The following AXDND1 variants were observed in gnomAD, a reference collection of about 807,000 sequenced individuals.
AXDND1 encodes the protein axonemal dynein light chain domain containing 1, also known as axonemal dynein light chain domain-containing protein 1.
AXDND1 carries 110 observed loss-of-function variants against 137.5 expected under a neutral mutation model. That is an observed-to-expected ratio of 0.80 (90% CI 0.69 to 0.94). AXDND1 has a LOEUF of 0.94. Ranked by LOEUF, AXDND1 falls within the 40% of genes least tolerant of loss-of-function variation. The probability of loss-of-function intolerance (pLI) is 0.00; values close to 1 mark genes in which losing one functional copy is unlikely to be tolerated. For missense variants in AXDND1, 1,191 were observed against 1,169.8 expected, an observed-to-expected ratio of 1.02 and a Z score of -0.26; for synonymous variants, 414 against 399.7, an observed-to-expected ratio of 1.04 and a Z score of -0.43.
At chr1:179,425,081 C>T (rs572504353) in intron 12 of AXDND1, among the ~76,000 whole-genome samples, 1 of 152,098 alleles carries the variant, frequency 6.6e-6, no homozygotes. Flanking sequence ...TCCCTGTTTG[C>T]TGTTGTTTCT....
chr1:179,479,694 G>A (rs190784646), intron 17 of AXDND1, among the ~76,000 whole-genome samples: 8 of 152,160 alleles, frequency 5.3e-5, no homozygotes, highest in Non-Finnish European at 1.2e-4. Flanking sequence ...GGAGAATGGC[G>A]TGAACCTGGG....
intron 20 of AXDND1, among the ~76,000 whole-genome samples, chr1:179,506,491 C>T (rs760870076): frequency 1.3e-5 from 2 of 152,080 alleles, no homozygotes; most frequent in African/African-American, 2.4e-5. Flanking sequence ...CCAGACTTTG[C>T]GAGGCTGAGG....
In AXDND1 at chr1:179,509,401, G is replaced by A. The variant is rs1360176332; in HGVS notation, c.2494G>A (p.Glu832Lys). 6.3e-7 allele frequency: 1 copy of A among 1,581,690 alleles called. No individual in the cohort carries two copies. The highest frequency in any genetic ancestry group is 8.7e-7 in the Non-Finnish European group (1 of 1,151,276). The change falls in exon 21 of 26, where the codon GAG (glutamate) becomes AAG (lysine). Residue 832 changes from glutamate (E) to lysine (K), a missense_variant and splice_region_variant. Glu to Lys is a moderately conservative substitution (Grantham distance 56). Transcript: ENST00000367618. The part of the protein sequence containing the change: ...TYEEIERLLE[E>K]EAVKEFIEPE... ...TGAAGAAATAGAGCGGCTACTTGAA[G>A]AGGTATTTGCCACATGTTAGCGTTG...
chr1:179,546,876 C>G (rs1002490754), intron 25 of AXDND1, among the ~76,000 whole-genome samples: 3 of 152,192 alleles, frequency 2.0e-5, no homozygotes, highest in Admixed American at 1.3e-4. Context: ...CCTGAGAGAT[C>G]TGGTCCCACT....
intron 17 of AXDND1, among the ~76,000 whole-genome samples, chr1:179,481,506 G>A (rs1665378765): frequency 6.6e-6 from 1 of 152,192 alleles, no homozygotes; most frequent in South Asian, 2.1e-4. Flanking sequence ...ACCCAGTAAT[G>A]GGATGGCTGG....
chr1:179,410,368 C>G (rs1455146309), intron 11 of AXDND1, among the ~76,000 whole-genome samples: 2 of 152,102 alleles, frequency 1.3e-5, no homozygotes, highest in African/African-American at 4.8e-5. Flanking sequence ...ATAGCTGGAA[C>G]TACAGGCACA....
rs1042582763 is a variant in AXDND1 at position 179,411,456 on chromosome 1, C to T, written c.1230+190C>T. On this transcript the variant is annotated intron_variant, in intron 12 of 25. Transcript: ENST00000367618. ...GACTCTTGGGTTCAAGCAATTCTCC[C>T]ACCTCAGCCTCTTGAGTAGCTGGGA... Among the ~76,000 whole-genome samples the T allele has an allele frequency of 1.6e-4, 25 of 152,204 alleles. 1 individual carries two copies. In the South Asian group the frequency reaches 2.5e-3, roughly 15 times the overall value.
At chr1:179,485,305 G>A (rs1297693087) in intron 18 of AXDND1, among the ~76,000 whole-genome samples, 5 of 152,186 alleles carry the variant, frequency 3.3e-5, no homozygotes, top group African/African-American at 9.6e-5. Context: ...GTGACCAGTG[G>A]TCTGGGAACA....
chr1:179,475,719 G>A (rs986021830), intron 17 of AXDND1, among the ~76,000 whole-genome samples: 8 of 152,206 alleles, frequency 5.3e-5, no homozygotes, highest in African/African-American at 1.7e-4. Flanking sequence ...GCTGAAATGA[G>A]TTTAGACTTT....
chr1:179,510,748 A>G (rs965110519), intron 21 of AXDND1, among the ~76,000 whole-genome samples: 2 of 152,006 alleles, frequency 1.3e-5, no homozygotes, highest in African/African-American at 4.8e-5. Context: ...CAAGTCTTTT[A>G]TTTTTTATTT....
intron 25 of AXDND1, among the ~76,000 whole-genome samples, chr1:179,535,601 A>G (rs1671474373): frequency 6.6e-6 from 1 of 151,954 alleles, no homozygotes. Flanking sequence ...TATGTGCCAC[A>G]TTTTCTTTAT....
At chr1:179,421,367 C>CTTTTTTTTTTTTTTT (rs199703017) in intron 12 of AXDND1, among the ~76,000 whole-genome samples, 5 of 107,212 alleles carry the variant, frequency 4.7e-5, no homozygotes, top group African/African-American at 2.1e-4. Flanking sequence ...TTTTCTTTTC[C>CTTTTTTTTTTTTTTT]TTTTTTTTTT....
intron 4 of AXDND1, among the ~76,000 whole-genome samples, chr1:179,376,444 ACC>A (rs1375737000): frequency 1.3e-5 from 2 of 152,186 alleles, no homozygotes; most frequent in African/African-American, 2.4e-5. Flanking sequence ...GTATAAGCAG[ACC>A]CATACAGTTC....
In AXDND1 at chr1:179,382,769, TA is replaced by T. The variant is rs750578503; in HGVS notation, c.638+14del. On this transcript the variant is annotated intron_variant, in intron 7 of 25. Coordinates refer to ENST00000367618, the MANE Select transcript of AXDND1 (RefSeq NM_144696.6). Reference sequence around the variant, plus strand: ...TCTTCCCATCCATGTAAGTACAGTTTATTTTCTAAAGTCTTTCTCAGAAAGA... The same window carrying T: ...TCTTCCCATCCATGTAAGTACAGTTTTTTTCTAAAGTCTTTCTCAGAAAGA... The T allele has an allele frequency of 1.1e-5, 17 of 1,575,206 alleles. No individual in the cohort carries two copies. The highest frequency in any genetic ancestry group is 1.4e-5 in the Non-Finnish European group (16 of 1,146,390).
rs1673233177 is a variant in AXDND1, at chr1:179,551,307, A to G, written c.3032-3205A>G. 1 of 1,614,112 alleles carries G rather than the reference A, an allele frequency of 6.2e-7. No individual in the cohort carries two copies. Among genetic ancestry groups the G allele is most frequent in the Admixed American group, 1.7e-5 (1 of 60,012 alleles). ...TTCAGTAGGTCAAATGGCAAAGGTA[A>G]AACCACAGTGGAAGGCTTCTCTGTG... On this transcript the variant is annotated intron_variant, in intron 25 of 25. Transcript: ENST00000367618.
chr1:179,429,417 G>T, intron 12 of AXDND1, 101 bp from the exon 13 acceptor site: 2 of 548,622 alleles, frequency 3.6e-6, no homozygotes, highest in Non-Finnish European at 5.9e-6. Flanking sequence ...TTTTAGTTGA[G>T]TTAATGATTC....
intron 20 of AXDND1, among the ~76,000 whole-genome samples, chr1:179,498,504 T>C (rs1667680634): frequency 6.6e-6 from 1 of 152,086 alleles, no homozygotes; most frequent in Non-Finnish European, 1.5e-5. Context: ...CTGGAAAATA[T>C]TCTTCTTGAC....
chr1:179,366,468 G>A lies in AXDND1; in HGVS notation c.-42G>A, dbSNP rs373970038. Reference sequence around the variant, plus strand: ...TTGTGTCTAAATTAGCTTTCCGGAGGACTATTTCAAATTACTAAAGAGATA... The same window carrying A: ...TTGTGTCTAAATTAGCTTTCCGGAGAACTATTTCAAATTACTAAAGAGATA... On this transcript the variant is annotated 5_prime_UTR_variant, in exon 2 of 26. Coordinates refer to ENST00000367618, the MANE Select transcript of AXDND1 (RefSeq NM_144696.6). 2 of 1,515,580 alleles carry A rather than the reference G, an allele frequency of 1.3e-6. No homozygotes were observed. The allele number at this position is 1,515,580 out of a possible 1,614,324, so 93.9% of individuals were successfully genotyped here.
intron 25 of AXDND1, chr1:179,550,826 C>T (rs1025896573): frequency 2.4e-5 from 8 of 330,692 alleles, no homozygotes; most frequent in Admixed American, 4.2e-5. Context: ...GCAACCTTGC[C>T]AAAGGGGTCA....
Sources: gnomAD v4.1 joint callset for allele counts (sites outside exome capture counted in the v4.1 genomes callset) on GRCh38, gnomAD v4.1.1 for gene constraint, MANE v1.5 for transcripts, NCBI Gene and HGNC (gene_info 2026-07-23, HGNC 2026-07-21) for gene names.